The following SPAM1 variants were observed in gnomAD, a reference collection of about 807,000 sequenced individuals.
The protein encoded by SPAM1 is hyaluronidase PH-20.
In SPAM1, 22 loss-of-function variants were observed where a neutral mutation model predicts 29.6. That is an observed-to-expected ratio of 0.74 (90% CI 0.53 to 1.06). The LOEUF is 1.06. Ranked by LOEUF, SPAM1 falls within the 50% of genes least tolerant of loss-of-function variation. SPAM1 has a pLI of 0.00. For missense variants in SPAM1, 534 were observed against 604.0 expected (o/e 0.88, Z 1.21); for synonymous variants, 194 against 204.6 (o/e 0.95, Z 0.44).
intron 5 of SPAM1, chr7:123,970,061 G>T: frequency 1.4e-6 from 1 of 739,558 alleles, no homozygotes; most frequent in Non-Finnish European, 2.0e-6. Context: ...CTTTAGTCCG[G>T]GTTCACTTTC....
At chr7:123,968,796 C>T (rs540304234) in intron 5 of SPAM1, among the ~76,000 whole-genome samples, 9 of 152,034 alleles carry the variant, frequency 5.9e-5, no homozygotes, top group Admixed American at 3.3e-4. Flanking sequence ...ATAACTTGTC[C>T]GTGCCTTTGT....
chr7:123,954,630 T>A, intron 3 of SPAM1, 106 bp downstream of exon 3: 1 of 746,130 alleles, frequency 1.3e-6, no homozygotes, highest in South Asian at 1.9e-5. Flanking sequence ...TTAATATTAG[T>A]CAGGAATGTG....
intron 1 of SPAM1, among the ~76,000 whole-genome samples, chr7:123,944,621 A>G (rs1047867142): frequency 2.0e-5 from 3 of 152,192 alleles, no homozygotes; most frequent in Non-Finnish European, 2.9e-5. Context: ...AATTAGCCAT[A>G]GGAGGTGCTT....
At position 123,948,381 on chromosome 7, in the gene SPAM1, T is replaced by C. The variant is rs531263794; in HGVS notation, c.-318-1491T>C. Among the ~76,000 whole-genome samples the C allele has an allele frequency of 6.0e-4, 91 of 152,268 alleles. 1 individual carries two copies. In the South Asian group the frequency reaches 0.012, roughly 19 times the overall value. ...TGATGAGGATACGAGGGCAATCAAC[T>C]TGGGGCCTACCGCTCATGTGGAAAT... On this transcript the variant is annotated intron_variant, in intron 1 of 4. Coordinates refer to ENST00000682466, the MANE Select transcript of SPAM1 (RefSeq NM_153189.3).
chr7:123,954,396 C>G lies in SPAM1; in HGVS notation c.826C>G (p.Leu276Val). ...NTQQSPVAAT[L>V]YVRNRVREAI... ...TCAGCAGTCTCCTGTAGCTGCTACA[C>G]TCTATGTGCGCAATCGAGTTCGGGA... The change falls in exon 3 of 5, where the codon CTC becomes GTC. Residue 276 changes from leucine (L) to valine (V), a missense_variant. Physicochemically the swap from Leu to Val is conservative, Grantham distance 32 (BLOSUM62 1). Transcript: ENST00000682466. The G allele has an allele frequency of 1.2e-6, 2 of 1,613,502 alleles. No homozygotes were observed. Among genetic ancestry groups the G allele is most frequent in the East Asian group, 4.5e-5 (2 of 44,838 alleles).
intron 1 of SPAM1, among the ~76,000 whole-genome samples, chr7:123,947,400 A>C (rs2117048500): frequency 6.6e-6 from 1 of 152,130 alleles, no homozygotes; most frequent in Non-Finnish European, 1.5e-5. Context: ...AATTTTAAAA[A>C]TTATCCAGGT....
chr7:123,948,421 TCATGTTAAAGAATGATTCCCA>T (rs1424189801), intron 1 of SPAM1, among the ~76,000 whole-genome samples: 6 of 152,162 alleles, frequency 3.9e-5, no homozygotes, highest in African/African-American at 1.4e-4. Flanking sequence ...TTTTCATTTT[TCATGTTAAAGAATGATTCCCA>T]CATTATGTAC....
intron 4 of SPAM1, among the ~76,000 whole-genome samples, chr7:123,956,124 A>T (rs1792244129): frequency 6.6e-6 from 1 of 151,978 alleles, no homozygotes; most frequent in Non-Finnish European, 1.5e-5. Context: ...TTTAAGTGTC[A>T]TGCTTGTTTT....
intron 1 of SPAM1, among the ~76,000 whole-genome samples, chr7:123,930,205 G>T (rs1808029631): frequency 6.6e-6 from 1 of 151,956 alleles, no homozygotes; most frequent in Non-Finnish European, 1.5e-5. Context: ...GTACCAAAAA[G>T]CCATTTGTTC....
chr7:123,932,803 G>A (rs963238737), intron 1 of SPAM1, among the ~76,000 whole-genome samples: 3 of 152,162 alleles, frequency 2.0e-5, no homozygotes, highest in African/African-American at 7.2e-5. Context: ...GAGATTAGGA[G>A]GTTGATGTGG....
At chr7:123,938,929 G>T (rs553556734) in intron 1 of SPAM1, among the ~76,000 whole-genome samples, 2 of 152,184 alleles carry the variant, frequency 1.3e-5, no homozygotes, top group East Asian at 3.9e-4. Flanking sequence ...ACCGGGATTG[G>T]TCCTAGGTTT....
chr7:123,940,028 T>C (rs1808380737), intron 1 of SPAM1, among the ~76,000 whole-genome samples: 1 of 152,210 alleles, frequency 6.6e-6, no homozygotes, highest in Admixed American at 6.5e-5. Context: ...ACTGAGGTTT[T>C]GTTTCCCCTA....
chr7:123,931,194 C>T (rs992053629), intron 1 of SPAM1, among the ~76,000 whole-genome samples: 2 of 152,180 alleles, frequency 1.3e-5, no homozygotes, highest in African/African-American at 2.4e-5. Flanking sequence ...CTTCTGCCCT[C>T]CTGCCTCTCA....
At chr7:123,963,536 C>G (rs1426721364), downstream of SPAM1, among the ~76,000 whole-genome samples, 1 of 151,684 alleles carries the variant, frequency 6.6e-6, no homozygotes, top group Non-Finnish European at 1.5e-5. Context: ...TGGCATTTGT[C>G]TATGATAATC....
chr7:123,971,316 G>A (rs181596061), exon 7 of SPAM1: 29 of 152,102 alleles, frequency 1.9e-4, no homozygotes, highest in African/African-American at 6.7e-4. Context: ...TTTTAGCATG[G>A]AAAAATAATT....
chr7:123,956,173 A>G (rs972977197), intron 4 of SPAM1, among the ~76,000 whole-genome samples: 1 of 151,890 alleles, frequency 6.6e-6, no homozygotes, highest in Admixed American at 6.6e-5. Context: ...TTCTACTACT[A>G]TGTCTCTCAA....
At chr7:123,955,508 C>T (rs1158198865) in intron 4 of SPAM1, among the ~76,000 whole-genome samples, 2 of 151,924 alleles carry the variant, frequency 1.3e-5, no homozygotes, top group African/African-American at 2.4e-5. Flanking sequence ...TGAGTTGAAG[C>T]TGAATTTTTT....
chr7:123,953,587 T>C lies in SPAM1; in HGVS notation c.17T>C (p.Phe6Ser), dbSNP rs151116153. The change falls in exon 3 of 5, where the codon TTC becomes TCC. Residue 6 changes from phenylalanine to serine, a missense_variant. Physicochemically the swap from Phe to Ser is radical, Grantham distance 155. Coordinates refer to ENST00000682466, the MANE Select transcript of SPAM1 (RefSeq NM_153189.3). ...CTCTTTACAATGGGAGTGCTAAAAT[T>C]CAAGCACATCTTTTTCAGAAGCTTT... MGVLK[F>S]KHIFFRSFVK... 2.0e-4 allele frequency: 312 copies of C among 1,594,432 alleles called. 1 individual carries two copies. In the African/African-American group the frequency reaches 3.6e-3, roughly 19 times the overall value.
intron 1 of SPAM1, among the ~76,000 whole-genome samples, chr7:123,941,988 C>T (rs563646559): frequency 5.3e-5 from 8 of 152,174 alleles, no homozygotes; most frequent in East Asian, 1.9e-4. Context: ...CAACAACAAA[C>T]GAAGAAGTGA....
Sources: gnomAD v4.1 joint callset for allele counts (sites outside exome capture counted in the v4.1 genomes callset) on GRCh38, gnomAD v4.1.1 for gene constraint, MANE v1.5 for transcripts, NCBI Gene and HGNC (gene_info 2026-07-23, HGNC 2026-07-21) for gene names.